The following NRG3 variants were observed in gnomAD, a reference collection of about 807,000 sequenced individuals.
NRG3 encodes the protein neuregulin 3.
In NRG3, 31 loss-of-function variants were observed where a neutral mutation model predicts 66.9. The observed-to-expected ratio is 0.46, with a 90% CI of 0.35 to 0.63. The LOEUF is 0.63. Ranked by LOEUF, NRG3 falls within the 20% of genes least tolerant of loss-of-function variation. The pLI is 0.00. For synonymous variants in NRG3, 393 were observed against 359.4 expected (o/e 1.09, Z -1.06); for missense variants, 910 against 878.9 (o/e 1.04, Z -0.45).
At chr10:81,954,571 A>G (rs975351009) in intron 1 of NRG3, among the ~76,000 whole-genome samples, 1 of 152,062 alleles carries the variant, frequency 6.6e-6, no homozygotes. Context: ...TTTGGACCCC[A>G]CAATTTCCAG....
chr10:82,555,107 A>T (rs2044566400), intron 2 of NRG3, among the ~76,000 whole-genome samples: 2 of 152,116 alleles, frequency 1.3e-5, no homozygotes, highest in Non-Finnish European at 2.9e-5. Flanking sequence ...TTTAGAGGAG[A>T]TATTGTGAGA....
chr10:82,091,510 G>T (rs2066023731), intron 1 of NRG3, among the ~76,000 whole-genome samples: 1 of 151,990 alleles, frequency 6.6e-6, no homozygotes, highest in Admixed American at 6.6e-5. Flanking sequence ...CCTTTTTAAG[G>T]CTGAATTGGA....
chr10:82,095,676 C>T (rs1358837823), intron 1 of NRG3, among the ~76,000 whole-genome samples: 5 of 152,176 alleles, frequency 3.3e-5, no homozygotes, highest in African/African-American at 1.2e-4. Flanking sequence ...GAAACAGGAA[C>T]CAGAGGCTAA....
chr10:82,343,111 A>G (rs1433239451), intron 1 of NRG3, among the ~76,000 whole-genome samples: 1 of 152,086 alleles, frequency 6.6e-6, no homozygotes, highest in Non-Finnish European at 1.5e-5. Flanking sequence ...AGGGCTCTCA[A>G]TGCTGTAGTA....
chr10:82,322,312 C>A (rs974478076), intron 1 of NRG3, among the ~76,000 whole-genome samples: 9 of 152,032 alleles, frequency 5.9e-5, no homozygotes, highest in African/African-American at 2.2e-4. Flanking sequence ...CCTTTTTCTT[C>A]ACATCTGAAG....
At chr10:82,161,637 C>T (rs1000541135) in intron 1 of NRG3, among the ~76,000 whole-genome samples, 20 of 152,066 alleles carry the variant, frequency 1.3e-4, no homozygotes, top group African/African-American at 4.1e-4. Context: ...GCTGGATTTC[C>T]AGTCCTGGTC....
chr10:82,215,672 A>T (rs1349393155), intron 1 of NRG3, among the ~76,000 whole-genome samples: 1 of 119,738 alleles, frequency 8.4e-6, no homozygotes, highest in Non-Finnish European at 1.8e-5. Context: ...CCCAACTTGT[A>T]TCACACAGGC....
At chr10:82,567,662 T>A (rs2045492354) in intron 2 of NRG3, among the ~76,000 whole-genome samples, 1 of 151,970 alleles carries the variant, frequency 6.6e-6, no homozygotes, top group Non-Finnish European at 1.5e-5. Flanking sequence ...GATATTTCTG[T>A]CTCTATAAAT....
chr10:81,999,206 CAT>C (rs1286982701), intron 1 of NRG3, among the ~76,000 whole-genome samples: 4 of 152,178 alleles, frequency 2.6e-5, no homozygotes, highest in African/African-American at 7.2e-5. Context: ...AAAGGTAAAA[CAT>C]GTGCTTTATT....
intron 2 of NRG3, among the ~76,000 whole-genome samples, chr10:82,416,022 A>T (rs1051077315): frequency 6.6e-6 from 1 of 152,208 alleles, no homozygotes; most frequent in Non-Finnish European, 1.5e-5. Flanking sequence ...TGTTATAGAT[A>T]ATTTCTTGCA....
chr10:82,665,193 C>T (rs752421625), intron 2 of NRG3, among the ~76,000 whole-genome samples: 2 of 152,128 alleles, frequency 1.3e-5, no homozygotes, highest in Non-Finnish European at 2.9e-5. Flanking sequence ...TTTCTATGTG[C>T]CCCTTCTGTT....
At chr10:82,778,405 C>T (rs2059987876) in intron 3 of NRG3, among the ~76,000 whole-genome samples, 1 of 152,122 alleles carries the variant, frequency 6.6e-6, no homozygotes, top group African/African-American at 2.4e-5. Flanking sequence ...AACTTACAAT[C>T]ATGGCAGAAG....
At chr10:82,805,325 TG>T (rs1363935545) in intron 3 of NRG3, among the ~76,000 whole-genome samples, 1 of 152,160 alleles carries the variant, frequency 6.6e-6, no homozygotes, top group African/African-American at 2.4e-5. Flanking sequence ...ATCAGCTTTG[TG>T]TCTCATTTTT....
intron 2 of NRG3, among the ~76,000 whole-genome samples, chr10:82,638,329 A>G (rs1227938000): frequency 6.6e-6 from 1 of 152,174 alleles, no homozygotes; most frequent in African/African-American, 2.4e-5. Context: ...TAAGCATAAT[A>G]TGATTAGGTG....
chr10:82,609,661 A>G (rs976111277), intron 2 of NRG3, among the ~76,000 whole-genome samples: 1 of 152,122 alleles, frequency 6.6e-6, no homozygotes, highest in Non-Finnish European at 1.5e-5. Flanking sequence ...CTCATAATCA[A>G]TCTGGTAATA....
chr10:82,410,465 G>GTA (rs1218002932), intron 2 of NRG3, among the ~76,000 whole-genome samples: 32 of 142,200 alleles, frequency 2.3e-4, no homozygotes, highest in South Asian at 6.5e-4. Context: ...ATATATATAT[G>GTA]TATATATATA....
chr10:82,444,233 G>T (rs538842047), intron 2 of NRG3, among the ~76,000 whole-genome samples: 1 of 152,128 alleles, frequency 6.6e-6, no homozygotes, highest in Non-Finnish European at 1.5e-5. Context: ...CTCCTGAGTA[G>T]CAGGGATTAC....
intron 2 of NRG3, among the ~76,000 whole-genome samples, chr10:82,650,357 T>C (rs1176140109): frequency 6.6e-6 from 1 of 152,194 alleles, no homozygotes; most frequent in Non-Finnish European, 1.5e-5. Flanking sequence ...AGCGAGCTAT[T>C]AATTCTCTAA....
At chr10:82,821,035 A>T (rs1417434910) in intron 3 of NRG3, among the ~76,000 whole-genome samples, 1 of 152,220 alleles carries the variant, frequency 6.6e-6, no homozygotes, top group Admixed American at 6.5e-5. Context: ...TATCTTAAAA[A>T]TGGCTCCAAT....
Sources: allele counts gnomAD v4.1 joint callset (sites outside exome capture counted in the v4.1 genomes callset), GRCh38; gene constraint gnomAD v4.1.1; transcripts MANE v1.5; gene names NCBI Gene and HGNC (gene_info 2026-07-23, HGNC 2026-07-21).